The following HDX variants were observed in gnomAD, a reference collection of about 807,000 sequenced individuals.
The protein encoded by HDX is highly divergent homeobox.
A neutral mutation model predicts 45.2 loss-of-function variants in HDX; 19 were observed. The observed-to-expected ratio is 0.42, with a 90% CI of 0.29 to 0.62. The LOEUF (loss-of-function observed/expected upper bound fraction) is 0.62, where lower values mean the gene tolerates loss of function less well. Among genes scored for constraint, HDX ranks in the 20% least tolerant of loss-of-function variants. The probability of loss-of-function intolerance (pLI) is 0.20; values close to 1 mark genes in which losing one functional copy is unlikely to be tolerated. For missense variants in HDX, 532 were observed against 493.9 expected, an observed-to-expected ratio of 1.08 and a Z score of -0.73; for synonymous variants, 188 against 172.8, an observed-to-expected ratio of 1.09 and a Z score of -0.69.
At chrX:84,326,620 T>A (rs2036716243) in intron 9 of HDX, among the ~76,000 whole-genome samples, 1 of 110,980 alleles carries the variant, frequency 9.0e-6, no homozygotes, top group South Asian at 3.8e-4. Context: ...CAGATTAAGA[T>A]TAAGAATAAA....
intron 2 of HDX, among the ~76,000 whole-genome samples, chrX:84,480,134 A>AT (rs1473001309): frequency 9.0e-6 from 1 of 111,323 alleles, no homozygotes; most frequent in African/African-American, 3.3e-5. Context: ...TGTAAATTGT[A>AT]TTTTTTAACA....
intron 5 of HDX, among the ~76,000 whole-genome samples, chrX:84,432,533 T>C (rs1256717497): frequency 1.8e-5 from 2 of 111,695 alleles, no homozygotes; most frequent in Non-Finnish European, 3.8e-5. Flanking sequence ...ATTCTCATTG[T>C]AGAGATATTT....
chrX:84,445,252 T>G (rs1176198045), intron 4 of HDX, among the ~76,000 whole-genome samples: 2 of 111,844 alleles, frequency 1.8e-5, no homozygotes, highest in Non-Finnish European at 3.8e-5. Flanking sequence ...TAGCATTTTG[T>G]TAAATGGTAT....
At chrX:84,455,727 A>G (rs746916416) in intron 4 of HDX, among the ~76,000 whole-genome samples, 5 of 111,976 alleles carry the variant, frequency 4.5e-5, no homozygotes, top group Non-Finnish European at 9.4e-5. Flanking sequence ...AGAAAGTTAT[A>G]GAACAGCAAG....
chrX:84,358,151 T>C (rs1161881264), intron 6 of HDX, among the ~76,000 whole-genome samples: 1 of 112,004 alleles, frequency 8.9e-6, no homozygotes, highest in East Asian at 2.8e-4. Context: ...TTGGGTCTTT[T>C]TAATACTTAC....
At chrX:84,493,642 T>G (rs1346214555) in intron 1 of HDX, among the ~76,000 whole-genome samples, 2 of 111,964 alleles carry the variant, frequency 1.8e-5, no homozygotes, top group Non-Finnish European at 3.8e-5. Context: ...ATACTGGATC[T>G]CAGAATGTTT....
chrX:84,394,662 T>C (rs1371338709), intron 5 of HDX, among the ~76,000 whole-genome samples: 2 of 111,554 alleles, frequency 1.8e-5, no homozygotes, highest in Non-Finnish European at 3.8e-5. Context: ...ATTTGCCTCA[T>C]ATATCTAGGT....
chrX:84,423,144 A>T (rs2039304472), intron 5 of HDX, among the ~76,000 whole-genome samples: 1 of 111,141 alleles, frequency 9.0e-6, no homozygotes, highest in South Asian at 3.7e-4. Context: ...GAAAATCTAG[A>T]AGAAATGATC....
chrX:84,360,685 TG>T (rs1192951196), intron 6 of HDX, among the ~76,000 whole-genome samples: 1 of 111,491 alleles, frequency 9.0e-6, no homozygotes, highest in East Asian at 2.8e-4. Context: ...TCTTTTGCAA[TG>T]GGTTTCTTTC....
At chrX:84,447,812 C>T (rs2039905954) in intron 4 of HDX, among the ~76,000 whole-genome samples, 2 of 111,447 alleles carry the variant, frequency 1.8e-5, no homozygotes, top group African/African-American at 6.5e-5. Flanking sequence ...AGTATCAGGG[C>T]TGCCTCACAT....
intron 5 of HDX, among the ~76,000 whole-genome samples, chrX:84,423,425 T>C (rs149014936): frequency 0.04 from 4,070 of 101,477 alleles, 79 homozygotes; most frequent in Middle Eastern, 0.15. Flanking sequence ...AGGGAATACT[T>C]CCAAACTCAT....
At chrX:84,398,896 A>G (rs1342581759) in intron 5 of HDX, among the ~76,000 whole-genome samples, 5 of 111,809 alleles carry the variant, frequency 4.5e-5, no homozygotes, top group African/African-American at 1.6e-4. Flanking sequence ...CAAAACTAGA[A>G]CTCAGGATTA....
intron 4 of HDX, among the ~76,000 whole-genome samples, chrX:84,453,855 G>A (rs1417661379): frequency 8.9e-6 from 1 of 111,906 alleles, no homozygotes; most frequent in Admixed American, 9.4e-5. Context: ...GAGTAAAGAA[G>A]ACTTTGTCTT....
rs1217728780 is a variant in HDX at position 84,321,959 on chromosome X, G to A, written c.2003C>T (p.Ser668Leu). 1.7e-6 allele frequency: 2 copies of A among 1,174,480 alleles called. No homozygotes were observed. Among genetic ancestry groups the A allele is most frequent in the Non-Finnish European group, 2.3e-6 (2 of 864,551 alleles). Residue 668 changes from serine (S) to leucine (L), a missense_variant, in exon 11 of 11, where the codon TCA becomes TTA. By Grantham distance (145) the Ser-to-Leu change is moderately radical. Transcript: ENST00000373177. ...ELEEMDFNHA[S>L]LEPDDTSFSV... ...GAATGAGGTATCATCAGGCTCCAGT[G>A]AGGCATGATTGAAATCCATTTCCTC...
chrX:84,336,669 T>C (rs1177913548), intron 8 of HDX, 132 bp downstream of exon 8: 2 of 454,496 alleles, frequency 4.4e-6, no homozygotes, highest in East Asian at 4.2e-5. Context: ...TGTAATTTCA[T>C]TGGAAAGAGG....
intron 9 of HDX, among the ~76,000 whole-genome samples, chrX:84,327,992 CTT>C (rs34682243): frequency 0.082 from 8,918 of 109,216 alleles, 390 homozygotes; most frequent in East Asian, 0.25. Context: ...TATTTTTTAA[CTT>C]TTTTGTAGAA....
chrX:84,334,802 A>C (rs1490842272), intron 8 of HDX, among the ~76,000 whole-genome samples: 1 of 111,028 alleles, frequency 9.0e-6, no homozygotes, highest in Non-Finnish European at 1.9e-5. Context: ...AAAGAGGAAA[A>C]ACTAAGCTAT....
intron 6 of HDX, among the ~76,000 whole-genome samples, chrX:84,349,401 ATATGTGTG>A (rs1363464213): frequency 1.9e-4 from 17 of 88,134 alleles, no homozygotes; most frequent in Admixed American, 7.1e-4. Flanking sequence ...TTATATATAT[ATATGTGTG>A]TGTGTGTGTG....
intron 4 of HDX, among the ~76,000 whole-genome samples, chrX:84,462,158 A>G (rs2040251534): frequency 8.9e-6 from 1 of 111,885 alleles, no homozygotes. Context: ...CCATCAATAA[A>G]GGTATCAGTA....
Sources: allele counts gnomAD v4.1 joint callset (sites outside exome capture counted in the v4.1 genomes callset), GRCh38; gene constraint gnomAD v4.1.1; transcripts MANE v1.5; gene names NCBI Gene and HGNC (gene_info 2026-07-23, HGNC 2026-07-21).